The following ARNT variants were observed in gnomAD, a reference collection of about 807,000 sequenced individuals.
The protein encoded by ARNT is aryl hydrocarbon receptor nuclear translocator.
Under a neutral mutation model 105.0 loss-of-function variants are expected in ARNT, and 30 were observed. The observed-to-expected ratio is 0.29, with a 90% CI of 0.21 to 0.39. ARNT has a LOEUF of 0.39. Ranked by LOEUF, ARNT falls within the 10% of genes least tolerant of loss-of-function variation. ARNT has a pLI of 1.00. For synonymous variants in ARNT, 304 were observed against 344.0 expected (o/e 0.88, Z 1.29); for missense variants, 748 against 978.7 (o/e 0.76, Z 3.15).
At chr1:150,837,443 T>C (rs3768016) in intron 6 of ARNT, among the ~76,000 whole-genome samples, 52,626 of 152,020 alleles carry the variant, frequency 0.35, 9,442 homozygotes, top group South Asian at 0.53. Flanking sequence ...TAATTACCAA[T>C]TCAAGTCCCT....
chr1:150,865,051 T>C (rs1189584462), intron 1 of ARNT, among the ~76,000 whole-genome samples: 1 of 151,640 alleles, frequency 6.6e-6, no homozygotes, highest in Non-Finnish European at 1.5e-5. Flanking sequence ...TTAAAATTAA[T>C]CTGACAGATT....
At chr1:150,854,918 T>G (rs1664319585) in intron 2 of ARNT, among the ~76,000 whole-genome samples, 1 of 146,700 alleles carries the variant, frequency 6.8e-6, no homozygotes, top group Non-Finnish European at 1.5e-5. Context: ...GAAAGGTAAT[T>G]GCTAAGTCAA....
At chr1:150,837,655 A>G (rs1245746893) in intron 6 of ARNT, among the ~76,000 whole-genome samples, 1 of 152,012 alleles carries the variant, frequency 6.6e-6, no homozygotes, top group Non-Finnish European at 1.5e-5. Flanking sequence ...AGCCCTCTTT[A>G]TTAATACCAT....
intron 21 of ARNT, 39 bp from the exon 22 acceptor site, chr1:150,812,149 T>C: frequency 6.8e-7 from 1 of 1,477,416 alleles, no homozygotes; most frequent in Non-Finnish European, 9.2e-7. Flanking sequence ...TCACACACCT[T>C]GATCTCTTAC....
Position 150,810,299 on chromosome 1 carries a change from A to G in ARNT, c.*1722T>C. 1 of 231,932 alleles carries G rather than the reference A, an allele frequency of 4.3e-6. No individual in the cohort carries two copies. The highest frequency in any genetic ancestry group is 6.1e-5 in the East Asian group (1 of 16,456). The allele number at this position is 231,932 out of a possible 1,614,324, so 14.4% of individuals were successfully genotyped here. A position where few individuals can be genotyped will look rare whatever the true frequency, so the allele number is the denominator to read the frequency against. On this transcript the variant is annotated 3_prime_UTR_variant, in exon 22 of 22. Coordinates refer to ENST00000358595, the MANE Select transcript of ARNT (RefSeq NM_001668.4). ...CCTCCCCTTCCCCAAAAGCCCTATA[A>G]TAACTGTACAATATTATAGTCCTGA...
At chr1:150,843,451 A>G (rs2102007967) in intron 4 of ARNT, among the ~76,000 whole-genome samples, 1 of 152,364 alleles carries the variant, frequency 6.6e-6, no homozygotes, top group African/African-American at 2.4e-5. Flanking sequence ...TGACAAATAC[A>G]ATAACCTTAT....
chr1:150,871,768 C>T (rs1426228737), intron 1 of ARNT, among the ~76,000 whole-genome samples: 2 of 150,196 alleles, frequency 1.3e-5, no homozygotes, highest in South Asian at 2.1e-4. Context: ...AATTAGCCGG[C>T]GTGATGGCAG....
At chr1:150,856,952 TA>T (rs1466514354) in intron 2 of ARNT, among the ~76,000 whole-genome samples, 2 of 149,322 alleles carry the variant, frequency 1.3e-5, no homozygotes, top group South Asian at 2.1e-4. Context: ...ACCCTGTCTC[TA>T]AAAAAACCAA....
chr1:150,861,739 A>C (rs1005980441), intron 1 of ARNT, among the ~76,000 whole-genome samples: 3 of 151,584 alleles, frequency 2.0e-5, no homozygotes, highest in African/African-American at 4.9e-5. Flanking sequence ...ATTTTTACCC[A>C]AAAAAAAGGG....
chr1:150,831,861 C>T lies in ARNT; in HGVS notation c.912G>A (p.Val304=). The T allele has an allele frequency of 6.3e-7, 1 of 1,597,524 alleles. No individual in the cohort carries two copies. Among genetic ancestry groups the T allele is most frequent in the African/African-American group, 1.4e-5 (1 of 73,308 alleles). The change falls in exon 10 of 22, where the codon GTG becomes GTA. Residue 304 remains valine (V), a synonymous_variant. Coordinates refer to ENST00000358595, the MANE Select transcript of ARNT (RefSeq NM_001668.4). ...TGATGTAGCCTGTGCAGTGGACCAC[C>T]ACGAAGTGAGGTTCCCCATCCTTTA... ...GSVKDGEPHF[V]VVHCTGYIKA...
At chr1:150,868,761 G>A (rs773550155) in intron 1 of ARNT, among the ~76,000 whole-genome samples, 31 of 152,118 alleles carry the variant, frequency 2.0e-4, no homozygotes, top group South Asian at 8.3e-4. Flanking sequence ...TTAGCCAGGC[G>A]CGGTGGCACG....
intron 3 of ARNT, among the ~76,000 whole-genome samples, chr1:150,851,463 G>A (rs1663523883): frequency 6.6e-6 from 1 of 152,270 alleles, no homozygotes; most frequent in African/African-American, 2.4e-5. Flanking sequence ...TTGTTGCTGT[G>A]TCTGTGTAGA....
chr1:150,831,761 G>T, intron 10 of ARNT, 57 bp downstream of exon 10: 1 of 1,194,342 alleles, frequency 8.4e-7, no homozygotes. Context: ...AGCTTTCATG[G>T]ACTCTGTGAG....
chr1:150,872,904 G>A lies in ARNT; in HGVS notation c.25+3639C>T, dbSNP rs7529204. 4.4e-4 allele frequency among the ~76,000 whole-genome samples: 67 copies of A among 152,214 alleles called. No homozygotes were observed. In the East Asian group the frequency reaches 0.012, roughly 26 times the overall value. On this transcript the variant is annotated intron_variant, in intron 1 of 21. Transcript: ENST00000358595. ...ATGCTCCCAGAAGGTCAAGGCTGCA[G>A]TGAGCCATGATTGTGTCACTGCACT...
intron 1 of ARNT, among the ~76,000 whole-genome samples, chr1:150,859,598 A>G (rs1571460193): frequency 2.0e-5 from 3 of 150,138 alleles, no homozygotes; most frequent in Admixed American, 6.6e-5. Context: ...CTCAAGCAAT[A>G]CTCCCACCTC....
chr1:150,858,410 A>T lies in ARNT; in HGVS notation c.76T>A (p.Ser26Thr). The T allele has an allele frequency of 6.2e-7, 1 of 1,610,306 alleles. No homozygotes were observed. Among genetic ancestry groups the T allele is most frequent in the African/African-American group, 1.3e-5 (1 of 75,004 alleles). Residue 26 changes from serine (S) to threonine (T), a missense_variant, in exon 2 of 22, where the codon TCT becomes ACT. Coordinates refer to ENST00000358595, the MANE Select transcript of ARNT (RefSeq NM_001668.4). The stretch of plus-strand genomic sequence containing the variant: ...CCTCCACCTTGAATTCCAGGTCCAG[A>T]GTTTCCAGAGGCAATGGCTGGACCC... Reference protein sequence around the residue: ...SLGPAIASGNSGPGIQGGGAI... With the variant: ...SLGPAIASGNTGPGIQGGGAI...
Position 150,817,986 on chromosome 1 carries a change from T to C in ARNT, c.1439A>G (p.Gln480Arg). Residue 480 changes from glutamine to arginine, a missense_variant, in exon 15 of 22, where the codon CAG becomes CGG. By Grantham distance (43) the Gln-to-Arg change is conservative. Around this residue, in one of 4 missense-constraint regions of ARNT, gnomAD observed 360 missense variants for 411.9 expected, o/e 0.87. Transcript: ENST00000358595. Reference protein sequence around the residue: ...EPRPTLSNTIQRPQLGPTANL... With the variant: ...EPRPTLSNTIRRPQLGPTANL... ...AGCTGTGGGACCTAGTTGTGGCCTCTGGATTGTGTTGGAGAGTGTAGGCCG... is the reference window on the plus strand; with the variant it reads ...AGCTGTGGGACCTAGTTGTGGCCTCCGGATTGTGTTGGAGAGTGTAGGCCG... 3.1e-6 allele frequency: 5 copies of C among 1,613,236 alleles called. No individual in the cohort carries two copies. Among genetic ancestry groups the C allele is most frequent in the Admixed American group, 1.7e-5 (1 of 59,924 alleles).
At chr1:150,830,006 T>C (rs1042709722) in intron 10 of ARNT, 26 bp from the exon 11 acceptor site, 37 of 1,612,950 alleles carry the variant, frequency 2.3e-5, no homozygotes, top group Non-Finnish European at 3.1e-5. Flanking sequence ...GTTAAAAGGT[T>C]TAACGGGGAC....
chr1:150,857,382 T>G (rs1019882623), intron 2 of ARNT, among the ~76,000 whole-genome samples: 2 of 152,222 alleles, frequency 1.3e-5, no homozygotes, highest in Admixed American at 6.5e-5. Flanking sequence ...ATATCCTATA[T>G]CTGACACTTA....
Sources: gnomAD v4.1 joint callset for allele counts (sites outside exome capture counted in the v4.1 genomes callset) on GRCh38, gnomAD v4.1.1 for gene constraint, gnomAD v4.1.1 regional missense constraint, MANE v1.5 for transcripts, NCBI Gene and HGNC (gene_info 2026-07-23, HGNC 2026-07-21) for gene names.